The following PHAX variants were observed in gnomAD, a reference collection of about 807,000 sequenced individuals.
PHAX encodes the protein phosphorylated adaptor for RNA export.
A neutral mutation model predicts 41.6 loss-of-function variants in PHAX; 31 were observed. That is an observed-to-expected ratio of 0.75 (90% CI 0.56 to 1.01). The LOEUF (loss-of-function observed/expected upper bound fraction) is 1.01, where lower values mean the gene tolerates loss of function less well. PHAX is among the 50% of genes least tolerant of loss of function. The pLI is 0.00. For synonymous variants in PHAX, 175 were observed against 164.9 expected (o/e 1.06, Z -0.47); for missense variants, 453 against 472.9 (o/e 0.96, Z 0.39).
chr5:126,619,295 A>C (rs1752233779), intron 4 of PHAX, among the ~76,000 whole-genome samples: 2 of 151,896 alleles, frequency 1.3e-5, no homozygotes, highest in African/African-American at 4.8e-5. Flanking sequence ...AAAGATGGTT[A>C]GGTCAGGCGT....
intron 1 of PHAX, among the ~76,000 whole-genome samples, chr5:126,602,100 C>T (rs1307353430): frequency 3.3e-5 from 5 of 152,150 alleles, no homozygotes; most frequent in Non-Finnish European, 5.9e-5. Context: ...CGTGAGCCAC[C>T]TCGCCCGGCC....
chr5:126,601,395 ACCT>A (rs1243030764), intron 1 of PHAX, among the ~76,000 whole-genome samples: 3 of 151,964 alleles, frequency 2.0e-5, no homozygotes, highest in African/African-American at 7.3e-5. Flanking sequence ...TAGACGTCTC[ACCT>A]CCGCCTACCG....
chr5:126,602,474 C>A (rs1471301530), intron 1 of PHAX, among the ~76,000 whole-genome samples: 3 of 152,206 alleles, frequency 2.0e-5, no homozygotes, highest in Non-Finnish European at 2.9e-5. Context: ...ATACAGTGTG[C>A]AGTAATGCCT....
rs770910416 is a variant in PHAX, at chr5:126,617,260, G to A, written c.842G>A (p.Arg281Gln). 3.7e-6 allele frequency: 6 copies of A among 1,608,128 alleles called. No homozygotes were observed. The African/African-American group carries it at 4.0e-5, about 11-fold the overall frequency. Residue 281 changes from arginine (R) to glutamine (Q), a missense_variant, in exon 4 of 5, where the codon CGA becomes CAA. Arg to Gln is a conservative substitution (Grantham distance 43, BLOSUM62 1). Coordinates refer to ENST00000297540, the MANE Select transcript of PHAX (RefSeq NM_032177.4). Reference sequence around the variant, plus strand: ...TGTTCCTTTTTGTAGAATGGTAGTCGAAGAAGAACACCAGGTGGAGTTTTT... The same window carrying A: ...TGTTCCTTTTTGTAGAATGGTAGTCAAAGAAGAACACCAGGTGGAGTTTTT... ...NGGLFIMNGS[R>Q]RRTPGGVFLN...
chr5:126,608,149 A>G (rs979537286), intron 2 of PHAX, among the ~76,000 whole-genome samples: 5 of 152,222 alleles, frequency 3.3e-5, no homozygotes, highest in African/African-American at 1.2e-4. Flanking sequence ...AAATAAGCCA[A>G]TTATGAGAGT....
At chr5:126,612,225 A>T (rs911419130) in intron 3 of PHAX, among the ~76,000 whole-genome samples, 1 of 152,118 alleles carries the variant, frequency 6.6e-6, no homozygotes, top group African/African-American at 2.4e-5. Context: ...CCTAATCTCT[A>T]CCTAGTTCCT....
chr5:126,625,217 A>G lies in PHAX; in HGVS notation c.*373A>G, dbSNP rs533100281. 137 of 168,168 alleles carry G rather than the reference A, an allele frequency of 8.1e-4. No homozygotes were observed. The highest frequency in any genetic ancestry group is 3.2e-3 in the African/African-American group (133 of 42,020). The allele number at this position is 168,168 out of a possible 1,614,324, so 10.4% of individuals were successfully genotyped here. ...TTTAAAACATTCCGCTAAAATCATAATGGGACATATAAATTATTAAGCTGT... is the reference window on the plus strand; with the variant it reads ...TTTAAAACATTCCGCTAAAATCATAGTGGGACATATAAATTATTAAGCTGT... On this transcript the variant is annotated 3_prime_UTR_variant, in exon 5 of 5. Coordinates refer to ENST00000297540, the MANE Select transcript of PHAX (RefSeq NM_032177.4).
At chr5:126,608,768 C>G (rs190179480) in intron 3 of PHAX, among the ~76,000 whole-genome samples, 1 of 151,970 alleles carries the variant, frequency 6.6e-6, no homozygotes, top group Admixed American at 6.6e-5. Flanking sequence ...GAAACCCTGT[C>G]TCTACTAAAA....
At chr5:126,609,323 A>G (rs1752042268) in intron 3 of PHAX, among the ~76,000 whole-genome samples, 1 of 150,942 alleles carries the variant, frequency 6.6e-6, no homozygotes, top group Non-Finnish European at 1.5e-5. Flanking sequence ...CTGGTCTCAA[A>G]CTCCTGACCT....
Position 126,627,164 on chromosome 5 carries a change from T to A in PHAX, c.*2320T>A, listed in dbSNP as rs936580766. On this transcript the variant is annotated 3_prime_UTR_variant, in exon 5 of 5. Coordinates refer to ENST00000297540, the MANE Select transcript of PHAX (RefSeq NM_032177.4). The stretch of plus-strand genomic sequence containing the variant: ...TTGGTAGTTCTGAGAATGTGGTCAT[T>A]GAAGTTGGATCTAAGAGGAAAGTGG... 3.3e-5 allele frequency: 5 copies of A among 152,224 alleles called. No homozygotes were observed. Among genetic ancestry groups the A allele is most frequent in the African/African-American group, 4.8e-5 (2 of 41,466 alleles). 9.4% of individuals were successfully genotyped at this position (152,224 alleles called of 1,614,324 possible).
rs187137616 is a variant in PHAX, at chr5:126,604,933, C to T, written c.710+750C>T. 7.0e-3 allele frequency among the ~76,000 whole-genome samples: 1,065 copies of T among 151,976 alleles called. 11 individuals carry two copies. The highest frequency in any genetic ancestry group is 0.025 in the African/African-American group (1,032 of 41,434). On this transcript the variant is annotated intron_variant, in intron 2 of 4. Coordinates refer to ENST00000297540, the MANE Select transcript of PHAX (RefSeq NM_032177.4). ...CCTGTAATCCCAGCTACTCGGGAGG[C>T]TGAGGCAGGAGAATCACTTGAACCC...
At chr5:126,617,783 C>G (rs868413354) in intron 4 of PHAX, among the ~76,000 whole-genome samples, 1 of 152,102 alleles carries the variant, frequency 6.6e-6, no homozygotes, top group African/African-American at 2.4e-5. Context: ...CCCAGCCAGC[C>G]TTTTATTCTT....
intron 4 of PHAX, among the ~76,000 whole-genome samples, chr5:126,619,699 A>G (rs1257190036): frequency 2.0e-5 from 3 of 152,108 alleles, no homozygotes; most frequent in Non-Finnish European, 4.4e-5. Context: ...TATAAACTAG[A>G]AGGTGTAGAC....
intron 3 of PHAX, among the ~76,000 whole-genome samples, chr5:126,615,584 G>A (rs1356555382): frequency 6.8e-6 from 1 of 148,140 alleles, no homozygotes; most frequent in Non-Finnish European, 1.5e-5. Flanking sequence ...GTGCTGTAGT[G>A]CCAACTAGTG....
At chr5:126,617,668 G>C (rs549649032) in intron 4 of PHAX, among the ~76,000 whole-genome samples, 3 of 152,070 alleles carry the variant, frequency 2.0e-5, no homozygotes, top group Admixed American at 6.6e-5. Flanking sequence ...TAGTAGAGAC[G>C]GGGTTTCACC....
chr5:126,611,517 C>T (rs1006970160), intron 3 of PHAX, among the ~76,000 whole-genome samples: 18 of 152,020 alleles, frequency 1.2e-4, no homozygotes, highest in African/African-American at 4.1e-4. Flanking sequence ...ATACATTGAC[C>T]AGATGCACCT....
At chr5:126,605,002 C>T (rs1000259292) in intron 2 of PHAX, among the ~76,000 whole-genome samples, 1 of 151,682 alleles carries the variant, frequency 6.6e-6, no homozygotes, top group Admixed American at 6.6e-5. Context: ...CCACTGCACT[C>T]CAGCCTGGGT....
intron 1 of PHAX, among the ~76,000 whole-genome samples, 157 bp downstream of exon 1, chr5:126,601,215 G>A (rs1160936902): frequency 6.6e-6 from 1 of 152,180 alleles, no homozygotes; most frequent in East Asian, 1.9e-4. Flanking sequence ...GAAGGGGCGA[G>A]CAGACGTCCC....
chr5:126,601,104 C>A, intron 1 of PHAX, 46 bp downstream of exon 1: 1 of 1,435,134 alleles, frequency 7.0e-7, no homozygotes, highest in Non-Finnish European at 9.7e-7. Flanking sequence ...GCGCGCGGAG[C>A]CTGGGCCCCG....
Sources: allele counts gnomAD v4.1 joint callset (sites outside exome capture counted in the v4.1 genomes callset), GRCh38; gene constraint gnomAD v4.1.1; transcripts MANE v1.5; gene names NCBI Gene and HGNC (gene_info 2026-07-23, HGNC 2026-07-21).